The following KCTD8 variants were observed in gnomAD, a reference collection of about 807,000 sequenced individuals.
KCTD8 encodes BTB/POZ domain-containing protein KCTD8.
KCTD8 carries 27 observed loss-of-function variants against 31.5 expected under a neutral mutation model. The ratio of observed to expected loss-of-function variants is 0.86; its 90% confidence interval spans 0.63 to 1.18. The LOEUF is 1.18. Among genes scored for constraint, KCTD8 ranks in the 50% most tolerant of loss-of-function variants. The pLI, the probability that KCTD8 is intolerant of heterozygous loss-of-function variation, is 0.00. For missense variants in KCTD8, 658 were observed against 647.7 expected, an observed-to-expected ratio of 1.02 and a Z score of -0.17; for synonymous variants, 290 against 280.0, an observed-to-expected ratio of 1.04 and a Z score of -0.36.
chr4:44,299,082 G>A (rs1487026417), intron 1 of KCTD8, among the ~76,000 whole-genome samples: 1 of 152,184 alleles, frequency 6.6e-6, no homozygotes, highest in Admixed American at 6.5e-5. Context: ...AAGTACATTA[G>A]TTGAGTATCA....
At chr4:44,382,395 T>C (rs1311811787) in intron 1 of KCTD8, among the ~76,000 whole-genome samples, 2 of 152,052 alleles carry the variant, frequency 1.3e-5, no homozygotes, top group Non-Finnish European at 2.9e-5. Context: ...TTTAACATCA[T>C]ACCGAATGGG....
At chr4:44,243,871 AG>A (rs1715574980) in intron 1 of KCTD8, among the ~76,000 whole-genome samples, 1 of 152,184 alleles carries the variant, frequency 6.6e-6, no homozygotes, top group South Asian at 2.1e-4. Flanking sequence ...ATCTTCCCAT[AG>A]GTTATTCTCA....
At position 44,208,390 on chromosome 4, in the gene KCTD8, G is replaced by A. The variant is rs375748042; in HGVS notation, c.962-33140C>T. 1.1e-4 allele frequency among the ~76,000 whole-genome samples: 16 copies of A among 152,280 alleles called. No homozygotes were observed. The East Asian group carries it at 3.1e-3, about 29-fold the overall frequency. On this transcript the variant is annotated intron_variant, in intron 1 of 1. Transcript: ENST00000360029. ...GAGTACAGCCACAGGGATCTTCAGA[G>A]AATGGCAGCACCCTCAGACTGCATC...
At chr4:44,430,897 C>T (rs1721486584) in intron 1 of KCTD8, among the ~76,000 whole-genome samples, 2 of 151,464 alleles carry the variant, frequency 1.3e-5, no homozygotes, top group African/African-American at 4.8e-5. Flanking sequence ...TCTATAAGCC[C>T]TGATGGTTAT....
At chr4:44,217,062 T>G (rs944721596) in intron 1 of KCTD8, among the ~76,000 whole-genome samples, 1 of 152,170 alleles carries the variant, frequency 6.6e-6, no homozygotes, top group Non-Finnish European at 1.5e-5. Flanking sequence ...ACTCTATGAA[T>G]GATAGAGGAT....
intron 1 of KCTD8, among the ~76,000 whole-genome samples, chr4:44,235,528 TATATATATA>T (rs1715252823): frequency 3.3e-3 from 31 of 9,376 alleles, no homozygotes; most frequent in African/African-American, 0.012. Flanking sequence ...CACTGGATTA[TATATATATA>T]TATATATATA....
intron 1 of KCTD8, among the ~76,000 whole-genome samples, chr4:44,315,647 T>C (rs1718085329): frequency 6.6e-6 from 1 of 151,728 alleles, no homozygotes; most frequent in Non-Finnish European, 1.5e-5. Flanking sequence ...AGAGTAAATA[T>C]ACATAATGAT....
rs531067898 is a variant in KCTD8 at position 44,440,949 on chromosome 4, A to G, written c.961+6614T>C. Among the ~76,000 whole-genome samples the G allele has an allele frequency of 3.3e-5, 5 of 152,348 alleles. No individual in the cohort carries two copies. The East Asian group carries it at 9.6e-4, about 29-fold the overall frequency. Reference sequence around the variant, plus strand: ...CAGGGAATAAACTTATAAATGATATACACTCAGCACAGAATACTTCATATA... The same window carrying G: ...CAGGGAATAAACTTATAAATGATATGCACTCAGCACAGAATACTTCATATA... On this transcript the variant is annotated intron_variant, in intron 1 of 1. Coordinates refer to ENST00000360029, the MANE Select transcript of KCTD8 (RefSeq NM_198353.3).
At chr4:44,269,691 C>G (rs1372170256) in intron 1 of KCTD8, among the ~76,000 whole-genome samples, 1 of 151,888 alleles carries the variant, frequency 6.6e-6, no homozygotes, top group Non-Finnish European at 1.5e-5. Flanking sequence ...AACAAATTTA[C>G]AAGAAAAAAG....
At chr4:44,237,576 A>C (rs1299997552) in intron 1 of KCTD8, among the ~76,000 whole-genome samples, 2 of 152,198 alleles carry the variant, frequency 1.3e-5, no homozygotes, top group African/African-American at 2.4e-5. Context: ...AAATGTTTTG[A>C]TCTCCATCTG....
At chr4:44,354,216 T>G (rs550506444) in intron 1 of KCTD8, among the ~76,000 whole-genome samples, 1 of 152,088 alleles carries the variant, frequency 6.6e-6, no homozygotes. Context: ...AGTTCATTTG[T>G]TGTGTGTGTG....
intron 1 of KCTD8, among the ~76,000 whole-genome samples, chr4:44,234,386 A>G (rs1427119153): frequency 6.6e-6 from 1 of 152,212 alleles, no homozygotes; most frequent in African/African-American, 2.4e-5. Flanking sequence ...AAGTCATAAA[A>G]GCTGAGCTCC....
chr4:44,297,792 G>T (rs928529079), intron 1 of KCTD8, among the ~76,000 whole-genome samples: 1 of 152,122 alleles, frequency 6.6e-6, no homozygotes, highest in African/African-American at 2.4e-5. Flanking sequence ...CAATGAATTT[G>T]CAACTTACAT....
chr4:44,326,230 A>C (rs1022756969), intron 1 of KCTD8, among the ~76,000 whole-genome samples: 5 of 151,482 alleles, frequency 3.3e-5, no homozygotes, highest in Admixed American at 2.0e-4. Context: ...ATATTACTTT[A>C]TATTTTGGGC....
rs185678327 is a variant in KCTD8, at chr4:44,216,454, C to T, written c.962-41204G>A. 2.0e-5 allele frequency among the ~76,000 whole-genome samples: 3 copies of T among 152,092 alleles called. No individual in the cohort carries two copies. In the East Asian group the frequency reaches 5.8e-4, roughly 29 times the overall value. On this transcript the variant is annotated intron_variant, in intron 1 of 1. Transcript: ENST00000360029. ...AATAAAGTAGAAGGCACTATTAATC[C>T]AATACCCTAACCTGATAAGATAGAA...
At chr4:44,259,682 G>A (rs2109365032) in intron 1 of KCTD8, among the ~76,000 whole-genome samples, 1 of 151,990 alleles carries the variant, frequency 6.6e-6, no homozygotes, top group South Asian at 2.1e-4. Flanking sequence ...TCTATTTCTG[G>A]TTCTTTCTCT....
intron 1 of KCTD8, among the ~76,000 whole-genome samples, chr4:44,321,888 A>G (rs1339263077): frequency 1.3e-5 from 2 of 152,118 alleles, no homozygotes; most frequent in Non-Finnish European, 2.9e-5. Context: ...CTCACTTAAC[A>G]TAATTACCTC....
intron 1 of KCTD8, among the ~76,000 whole-genome samples, chr4:44,302,978 A>T (rs1480601864): frequency 6.6e-6 from 1 of 152,136 alleles, no homozygotes; most frequent in Non-Finnish European, 1.5e-5. Flanking sequence ...TGAGATAATC[A>T]TGTGGTTTTT....
chr4:44,448,784 C>A lies in KCTD8; in HGVS notation c.-261G>T. The A allele has an allele frequency of 2.9e-6, 1 of 345,916 alleles. No homozygotes were observed. The highest frequency in any genetic ancestry group is 4.8e-5 in the Admixed American group (1 of 20,778). The allele number at this position is 345,916 out of a possible 1,614,324, so 21.4% of individuals were successfully genotyped here. On this transcript the variant is annotated 5_prime_UTR_variant, in exon 1 of 2. Transcript: ENST00000360029. This position sits in a 1 kb window ranked among gnomAD's most constrained non-coding sequence, Gnocchi z 4.1. ...GGAGAGGCAAGAAGGAGCTGCTGCTCCTTTGGGGCGAGGGCGGGGAAGTGT... is the reference window on the plus strand; with the variant it reads ...GGAGAGGCAAGAAGGAGCTGCTGCTACTTTGGGGCGAGGGCGGGGAAGTGT...
Sources: gnomAD v4.1 joint callset for allele counts (sites outside exome capture counted in the v4.1 genomes callset) on GRCh38, gnomAD v4.1.1 for gene constraint, Gnocchi (gnomAD v3.1) non-coding constraint, MANE v1.5 for transcripts, NCBI Gene and HGNC (gene_info 2026-07-23, HGNC 2026-07-21) for gene names.